CCDC85A: variants seen among roughly 807,000 people sequenced by gnomAD.
The protein encoded by CCDC85A is coiled-coil domain containing 85A.
In CCDC85A, 38 loss-of-function variants were observed where a neutral mutation model predicts 50.2. The ratio of observed to expected loss-of-function variants is 0.76; its 90% CI spans 0.58 to 0.99. The LOEUF (loss-of-function observed/expected upper bound fraction) is 0.99. Ranked by LOEUF, CCDC85A falls within the 50% of genes least tolerant of loss-of-function variation. The pLI is 0.00. For missense variants in CCDC85A, 820 were observed against 742.0 expected (o/e 1.11, Z -1.22); for synonymous variants, 366 against 301.4 (o/e 1.21, Z -2.22).
intron 2 of CCDC85A, among the ~76,000 whole-genome samples, chr2:56,234,008 G>T (rs780807168): frequency 2.6e-5 from 4 of 152,258 alleles, no homozygotes; most frequent in African/African-American, 4.8e-5. Flanking sequence ...CTTTTTGAAG[G>T]ATAAAATTTT....
chr2:56,269,461 A>T (rs1214755024), intron 2 of CCDC85A, among the ~76,000 whole-genome samples: 2 of 152,078 alleles, frequency 1.3e-5, no homozygotes, highest in African/African-American at 4.8e-5. Context: ...TCTATGTGAA[A>T]ACATTGCTAG....
intron 2 of CCDC85A, among the ~76,000 whole-genome samples, chr2:56,340,641 C>T (rs181547370): frequency 3.7e-4 from 56 of 151,852 alleles, no homozygotes; most frequent in African/African-American, 1.2e-3. Flanking sequence ...TTTGGGAGGC[C>T]GAGGCGGGAG....
rs552707849 is a variant in CCDC85A, at chr2:56,260,698, A to C, written c.1240+67258A>C. On this transcript the variant is annotated intron_variant, in intron 2 of 5. Transcript: ENST00000407595. The stretch of plus-strand genomic sequence containing the variant: ...GTTGCCTGGAGTTGGCATAAACCTC[A>C]CTGGCTGTGGAATGTATATGTGTAT... Among the ~76,000 whole-genome samples the C allele has an allele frequency of 3.3e-5, 5 of 152,312 alleles. No individual in the cohort carries two copies. The South Asian group carries it at 1.0e-3, about 32-fold the overall frequency.
chr2:56,204,520 C>T (rs1172610107), intron 2 of CCDC85A, among the ~76,000 whole-genome samples: 5 of 152,198 alleles, frequency 3.3e-5, no homozygotes, highest in Admixed American at 3.3e-4. Flanking sequence ...CCGGAAACCA[C>T]AGTCCATGCT....
rs555584821 is a variant in CCDC85A, at chr2:56,202,788, T to G, written c.1240+9348T>G. On this transcript the variant is annotated intron_variant, in intron 2 of 5. Coordinates refer to ENST00000407595, the MANE Select transcript of CCDC85A (RefSeq NM_001080433.2). The stretch of plus-strand genomic sequence containing the variant: ...TGGGCTGTTGAACCACTCTTGAGAA[T>G]TCAAATTAACCAAGCTCATTAATTC... Among the ~76,000 whole-genome samples the G allele has an allele frequency of 3.9e-5, 6 of 152,342 alleles. No individual in the cohort carries two copies. The South Asian group carries it at 1.2e-3, about 32-fold the overall frequency.
chr2:56,321,157 A>T (rs901710694), intron 2 of CCDC85A, among the ~76,000 whole-genome samples: 6 of 152,162 alleles, frequency 3.9e-5, no homozygotes, highest in Non-Finnish European at 8.8e-5. Flanking sequence ...AAGAAGAGCT[A>T]TTTATGACAA....
chr2:56,382,711 T>A (rs891993352), intron 5 of CCDC85A, among the ~76,000 whole-genome samples: 3 of 151,910 alleles, frequency 2.0e-5, no homozygotes, highest in Non-Finnish European at 4.4e-5. Flanking sequence ...TCTTTAAGAG[T>A]TTCCTTTCAC....
At chr2:56,322,434 A>G (rs538122633) in intron 2 of CCDC85A, among the ~76,000 whole-genome samples, 1 of 152,304 alleles carries the variant, frequency 6.6e-6, no homozygotes, top group East Asian at 1.9e-4. Context: ...AAAAAACTCA[A>G]ACAGATTTAC....
intron 2 of CCDC85A, among the ~76,000 whole-genome samples, chr2:56,269,942 T>C (rs1373975651): frequency 6.6e-6 from 1 of 152,256 alleles, no homozygotes; most frequent in East Asian, 1.9e-4. Flanking sequence ...TAGCTGTCGG[T>C]TGTTCTGCTA....
chr2:56,212,852 C>T (rs1009099309), intron 2 of CCDC85A, among the ~76,000 whole-genome samples: 1 of 151,924 alleles, frequency 6.6e-6, no homozygotes, highest in African/African-American at 2.4e-5. Context: ...CTGGGGACAA[C>T]ATATGTCACT....
chr2:56,247,331 C>G (rs1669554601), intron 2 of CCDC85A, among the ~76,000 whole-genome samples: 1 of 152,168 alleles, frequency 6.6e-6, no homozygotes, highest in Non-Finnish European at 1.5e-5. Context: ...TAATACTTAT[C>G]TAGATTGCAG....
chr2:56,315,354 A>G (rs1672874853), intron 2 of CCDC85A, among the ~76,000 whole-genome samples: 1 of 152,176 alleles, frequency 6.6e-6, no homozygotes, highest in African/African-American at 2.4e-5. Flanking sequence ...GGGAATGGGA[A>G]GATTTTATAA....
chr2:56,380,271 C>G (rs2104405775), intron 5 of CCDC85A, among the ~76,000 whole-genome samples: 1 of 152,252 alleles, frequency 6.6e-6, no homozygotes, highest in Non-Finnish European at 1.5e-5. Flanking sequence ...CGCCACCTTA[C>G]TAGGTAATTT....
chr2:56,219,281 C>T (rs530499396), intron 2 of CCDC85A, among the ~76,000 whole-genome samples: 2 of 148,934 alleles, frequency 1.3e-5, no homozygotes, highest in South Asian at 4.4e-4. Context: ...GGAACCCCTG[C>T]AGTATAATCA....
At chr2:56,311,299 A>G (rs1213991597) in intron 2 of CCDC85A, among the ~76,000 whole-genome samples, 1 of 152,082 alleles carries the variant, frequency 6.6e-6, no homozygotes, top group Admixed American at 6.6e-5. Context: ...TGCATAATTC[A>G]TGACATTCCT....
At chr2:56,250,664 G>A (rs1442667304) in intron 2 of CCDC85A, among the ~76,000 whole-genome samples, 1 of 152,076 alleles carries the variant, frequency 6.6e-6, no homozygotes, top group African/African-American at 2.4e-5. Context: ...TATAGGAAGG[G>A]TTGCAATGTG....
intron 2 of CCDC85A, among the ~76,000 whole-genome samples, chr2:56,324,076 T>C (rs957381746): frequency 1.3e-5 from 2 of 152,264 alleles, no homozygotes; most frequent in Non-Finnish European, 2.9e-5. Flanking sequence ...TTAATGTTCT[T>C]GGGTACTTCT....
At chr2:56,232,555 C>G (rs1668817693) in intron 2 of CCDC85A, among the ~76,000 whole-genome samples, 1 of 152,122 alleles carries the variant, frequency 6.6e-6, no homozygotes, top group Non-Finnish European at 1.5e-5. Flanking sequence ...CTGGCATTTC[C>G]CCTGCTGGCC....
At chr2:56,314,024 G>T (rs1672811809) in intron 2 of CCDC85A, among the ~76,000 whole-genome samples, 1 of 150,468 alleles carries the variant, frequency 6.6e-6, no homozygotes, top group South Asian at 2.1e-4. Flanking sequence ...CATGTTGTCA[G>T]GGGGATTCTG....
Sources: gnomAD v4.1 joint callset for allele counts (sites outside exome capture counted in the v4.1 genomes callset) on GRCh38, gnomAD v4.1.1 for gene constraint, MANE v1.5 for transcripts, NCBI Gene and HGNC (gene_info 2026-07-23, HGNC 2026-07-21) for gene names.